PPP1R12A: variants seen among roughly 807,000 people sequenced by gnomAD.
PPP1R12A encodes the protein protein phosphatase 1 regulatory subunit 12A.
A neutral mutation model predicts 139.6 loss-of-function variants in PPP1R12A; 19 were observed. The observed-to-expected ratio is 0.14, with a 90% CI of 0.09 to 0.20. PPP1R12A has a LOEUF of 0.20. Among genes scored for constraint, PPP1R12A ranks in the 10% least tolerant of loss-of-function variants. The probability of loss-of-function intolerance (pLI) is 1.00; values close to 1 mark genes in which losing one functional copy is unlikely to be tolerated. For missense variants in PPP1R12A, 925 were observed against 1,211.5 expected (o/e 0.76, Z 3.51); for synonymous variants, 427 against 420.6 (o/e 1.02, Z -0.19).
At chr12:79,877,085 A>T (rs369665154) in intron 1 of PPP1R12A, among the ~76,000 whole-genome samples, 33 of 152,280 alleles carry the variant, frequency 2.2e-4, no homozygotes, top group African/African-American at 7.7e-4. Flanking sequence ...GCTCTGCCAC[A>T]AATTTTGTGG....
intron 1 of PPP1R12A, among the ~76,000 whole-genome samples, chr12:79,932,195 TATTAA>T (rs1398089153): frequency 6.6e-6 from 1 of 152,220 alleles, no homozygotes; most frequent in Non-Finnish European, 1.5e-5. Context: ...ATTCAAGGAC[TATTAA>T]ATCAGTGATT....
chr12:79,869,935 A>ATTAT (rs1011825635), intron 2 of PPP1R12A, among the ~76,000 whole-genome samples: 7 of 150,226 alleles, frequency 4.7e-5, no homozygotes, highest in African/African-American at 1.7e-4. Context: ...TATTATTATT[A>ATTAT]TAAGTGCTTT....
At chr12:79,883,569 T>C (rs1470557532) in intron 1 of PPP1R12A, among the ~76,000 whole-genome samples, 1 of 152,096 alleles carries the variant, frequency 6.6e-6, no homozygotes, top group South Asian at 2.1e-4. Context: ...AAAAGAAAGA[T>C]GACAATTTTA....
intron 1 of PPP1R12A, among the ~76,000 whole-genome samples, chr12:79,902,939 C>A (rs1439677760): frequency 6.6e-6 from 1 of 151,796 alleles, no homozygotes; most frequent in African/African-American, 2.4e-5. Context: ...GTGCATGCCC[C>A]AATTCCCCCA....
chr12:79,869,341 AT>A (rs758721955), intron 2 of PPP1R12A, among the ~76,000 whole-genome samples: 2 of 152,236 alleles, frequency 1.3e-5, no homozygotes, highest in Non-Finnish European at 2.9e-5. Context: ...AACTCAATGT[AT>A]CCTAATCATC....
At chr12:79,886,594 T>C (rs535739394) in intron 1 of PPP1R12A, among the ~76,000 whole-genome samples, 2 of 152,058 alleles carry the variant, frequency 1.3e-5, no homozygotes, top group South Asian at 2.1e-4. Context: ...TATCTAAGAG[T>C]AATTATAGAA....
At chr12:79,855,446 G>C (rs925342678) in intron 2 of PPP1R12A, among the ~76,000 whole-genome samples, 3 of 152,032 alleles carry the variant, frequency 2.0e-5, no homozygotes, top group Admixed American at 6.6e-5. Context: ...ACATATATGT[G>C]CATGTATCTT....
At chr12:79,837,538 A>T (rs1565769525) in intron 3 of PPP1R12A, among the ~76,000 whole-genome samples, 1 of 152,198 alleles carries the variant, frequency 6.6e-6, no homozygotes, top group Non-Finnish European at 1.5e-5. Context: ...TACCACTACT[A>T]ATGATATGGT....
At position 79,796,778 on chromosome 12, in the gene PPP1R12A, T is replaced by A; in HGVS notation, c.2461+4A>T. On this transcript the variant is annotated splice_donor_region_variant and intron_variant, in intron 17 of 24. Coordinates refer to ENST00000450142, the MANE Select transcript of PPP1R12A (RefSeq NM_002480.3). ...AAAGTGTTTTCAAAATTTGGTATTC[T>A]TACCTCTTTCATTTTCTTTTGTTAT... 6.3e-7 allele frequency: 1 copy of A among 1,595,312 alleles called. No individual in the cohort carries two copies. The highest frequency in any genetic ancestry group is 2.2e-5 in the East Asian group (1 of 44,582).
At chr12:79,870,872 A>G (rs1882496937) in intron 2 of PPP1R12A, among the ~76,000 whole-genome samples, 1 of 152,268 alleles carries the variant, frequency 6.6e-6, no homozygotes. Flanking sequence ...ACAAATGACC[A>G]AGACCAGGCC....
At chr12:79,827,467 AG>A (rs1876930705) in intron 5 of PPP1R12A, among the ~76,000 whole-genome samples, 1 of 152,168 alleles carries the variant, frequency 6.6e-6, no homozygotes. Flanking sequence ...GCAATATACA[AG>A]GAACATTCTA....
chr12:79,788,049 C>T (rs1306142966), intron 21 of PPP1R12A: 1 of 152,248 alleles, frequency 6.6e-6, no homozygotes, highest in African/African-American at 2.4e-5. Context: ...ATGAATCTTA[C>T]TCATAATGTA....
intron 10 of PPP1R12A, 139 bp downstream of exon 10, chr12:79,809,656 T>G: frequency 1.5e-6 from 1 of 645,556 alleles, no homozygotes; most frequent in Non-Finnish European, 2.6e-6. Context: ...TAAATTACAT[T>G]TGTCTTATGT....
At chr12:79,901,483 A>G (rs1321036730) in intron 1 of PPP1R12A, among the ~76,000 whole-genome samples, 1 of 152,160 alleles carries the variant, frequency 6.6e-6, no homozygotes, top group African/African-American at 2.4e-5. Flanking sequence ...ACTGCAACTT[A>G]ACTTGGTCCT....
chr12:79,864,057 C>T (rs1386180720), intron 2 of PPP1R12A, among the ~76,000 whole-genome samples: 1 of 152,174 alleles, frequency 6.6e-6, no homozygotes, highest in Non-Finnish European at 1.5e-5. Context: ...CACCACATGG[C>T]CCTTATTCTA....
intron 14 of PPP1R12A, among the ~76,000 whole-genome samples, chr12:79,803,153 C>T (rs1344159905): frequency 6.6e-6 from 1 of 152,132 alleles, no homozygotes; most frequent in Non-Finnish European, 1.5e-5. Context: ...GACATTCATC[C>T]CAAATTAGCA....
intron 19 of PPP1R12A, among the ~76,000 whole-genome samples, chr12:79,792,168 T>C (rs1455596658): frequency 2.0e-5 from 3 of 152,174 alleles, no homozygotes; most frequent in Non-Finnish European, 2.9e-5. Flanking sequence ...TATGTGAATA[T>C]AGAAAATATT....
At chr12:79,836,229 T>C (rs2137170310) in intron 3 of PPP1R12A, among the ~76,000 whole-genome samples, 1 of 152,308 alleles carries the variant, frequency 6.6e-6, no homozygotes, top group East Asian at 1.9e-4. Flanking sequence ...GTATCAAAAA[T>C]TTCCCACCAA....
At chr12:79,903,866 A>AT (rs1307919871) in intron 1 of PPP1R12A, among the ~76,000 whole-genome samples, 2 of 152,120 alleles carry the variant, frequency 1.3e-5, no homozygotes, top group East Asian at 3.9e-4. Context: ...TAGCTGACCC[A>AT]TTTTTCCCCC....
Sources: gnomAD v4.1 joint callset for allele counts (sites outside exome capture counted in the v4.1 genomes callset) on GRCh38, gnomAD v4.1.1 for gene constraint, MANE v1.5 for transcripts, NCBI Gene and HGNC (gene_info 2026-07-23, HGNC 2026-07-21) for gene names.